C1QTNF3: variants seen among roughly 807,000 people sequenced by gnomAD.
The protein encoded by C1QTNF3 is complement C1q tumor necrosis factor-related protein 3.
C1QTNF3 carries 26 observed loss-of-function variants against 32.6 expected under a neutral mutation model. That is an observed-to-expected ratio of 0.80 (90% CI 0.58 to 1.11). The LOEUF (loss-of-function observed/expected upper bound fraction) is 1.11. Ranked by LOEUF, C1QTNF3 falls within the 50% of genes least tolerant of loss-of-function variation. The pLI, the probability that C1QTNF3 is intolerant of heterozygous loss-of-function variation, is 0.00. For missense variants in C1QTNF3, 362 were observed against 398.2 expected, an observed-to-expected ratio of 0.91 and a Z score of 0.77; for synonymous variants, 155 against 146.0, an observed-to-expected ratio of 1.06 and a Z score of -0.44.
At chr5:34,120,683 G>A in the C1QTNF3 span, among the ~76,000 whole-genome samples, 1 of 152,102 alleles carries the variant, frequency 6.6e-6, no homozygotes, top group Non-Finnish European at 1.5e-5. Flanking sequence ...AGGTGTTTCC[G>A]TGAACAAGTT....
intron 3 of C1QTNF3, among the ~76,000 whole-genome samples, chr5:34,029,609 G>A (rs1184889307): frequency 1.3e-5 from 2 of 152,216 alleles, no homozygotes; most frequent in African/African-American, 4.8e-5. Context: ...AACTGTGTCT[G>A]TGTGGATGGA....
At chr5:34,230,237 A>T in the C1QTNF3 span, among the ~76,000 whole-genome samples, 1 of 152,214 alleles carries the variant, frequency 6.6e-6, no homozygotes, top group African/African-American at 2.4e-5. Flanking sequence ...GTCATGGATT[A>T]TTCCACAGAG....
intron 4 of C1QTNF3, among the ~76,000 whole-genome samples, chr5:34,027,150 G>A (rs1201917971): frequency 1.3e-5 from 2 of 152,140 alleles, no homozygotes; most frequent in African/African-American, 4.8e-5. Flanking sequence ...TCTCCTATAA[G>A]TCTAAAATTA....
At chr5:34,133,138 C>T in the C1QTNF3 span, among the ~76,000 whole-genome samples, 1 of 152,214 alleles carries the variant, frequency 6.6e-6, no homozygotes, top group East Asian at 1.9e-4. Context: ...AACCTCTCCC[C>T]TTCTTCTCTC....
the C1QTNF3 span, among the ~76,000 whole-genome samples, chr5:34,189,039 A>G: frequency 6.7e-6 from 1 of 148,394 alleles, no homozygotes; most frequent in Non-Finnish European, 1.5e-5. Context: ...GTTCCCCTGC[A>G]CATGCTCTCT....
At chr5:34,022,523 A>C (rs1754356166) in intron 5 of C1QTNF3, among the ~76,000 whole-genome samples, 1 of 152,232 alleles carries the variant, frequency 6.6e-6, no homozygotes, top group Non-Finnish European at 1.5e-5. Context: ...TTTGTGCTTC[A>C]CAGGCTGTCT....
the C1QTNF3 span, among the ~76,000 whole-genome samples, chr5:34,084,741 T>C: frequency 6.8e-6 from 1 of 146,958 alleles, no homozygotes; most frequent in East Asian, 1.9e-4. Context: ...GTCAGATGGA[T>C]AGATTGCAAA....
intron 1 of C1QTNF3, among the ~76,000 whole-genome samples, chr5:34,037,967 G>A (rs1186299645): frequency 6.6e-6 from 1 of 152,170 alleles, no homozygotes; most frequent in Non-Finnish European, 1.5e-5. Context: ...GGAGAAGGGA[G>A]GGGAAGGAGG....
At chr5:34,034,053 G>A (rs1031765620) in intron 2 of C1QTNF3, among the ~76,000 whole-genome samples, 1 of 152,156 alleles carries the variant, frequency 6.6e-6, no homozygotes, top group Non-Finnish European at 1.5e-5. Context: ...TGTAGTCCCA[G>A]CTATTTGGGA....
At chr5:34,044,819 C>T (rs1754960321), upstream of C1QTNF3, among the ~76,000 whole-genome samples, 1 of 152,190 alleles carries the variant, frequency 6.6e-6, no homozygotes, top group Non-Finnish European at 1.5e-5. Flanking sequence ...CCTTGAGCAT[C>T]TAAACCTTCC....
At chr5:34,244,551 C>G in the C1QTNF3 span, 2 of 152,100 alleles carry the variant, frequency 1.3e-5, no homozygotes, top group Non-Finnish European at 2.9e-5. Context: ...TAGCTAGACA[C>G]AAAAGTTCTC....
chr5:34,065,751 T>C, the C1QTNF3 span, among the ~76,000 whole-genome samples: 1 of 151,974 alleles, frequency 6.6e-6, no homozygotes, highest in African/African-American at 2.4e-5. Context: ...GGAATGCAAA[T>C]AGTTCACACA....
chr5:34,143,694 C>G, the C1QTNF3 span, among the ~76,000 whole-genome samples: 9 of 152,128 alleles, frequency 5.9e-5, no homozygotes, highest in African/African-American at 1.9e-4. Flanking sequence ...TAAACTTCAT[C>G]AATGAAGAAA....
intron 3 of C1QTNF3, among the ~76,000 whole-genome samples, chr5:34,031,879 C>T (rs1200421829): frequency 6.6e-6 from 1 of 152,148 alleles, no homozygotes; most frequent in Non-Finnish European, 1.5e-5. Flanking sequence ...GAGAGTAACA[C>T]ACTAACTATT....
At chr5:34,213,694 G>A in the C1QTNF3 span, among the ~76,000 whole-genome samples, 55 of 135,860 alleles carry the variant, frequency 4.0e-4, no homozygotes, top group African/African-American at 1.2e-3. Flanking sequence ...TTGTGTGTGT[G>A]TATATATATA....
chr5:34,080,186 C>T, the C1QTNF3 span, among the ~76,000 whole-genome samples: 569 of 151,698 alleles, frequency 3.8e-3, 28 homozygotes, highest in African/African-American at 0.013. Context: ...ATTTTGAATG[C>T]TATGTAATTT....
the C1QTNF3 span, chr5:34,164,749 T>C: frequency 6.6e-6 from 1 of 152,124 alleles, no homozygotes; most frequent in South Asian, 2.1e-4. Context: ...AATTATTATA[T>C]ACATTCATTC....
the C1QTNF3 span, among the ~76,000 whole-genome samples, chr5:34,214,746 T>C: frequency 6.6e-6 from 1 of 152,156 alleles, no homozygotes; most frequent in Non-Finnish European, 1.5e-5. Context: ...CTCAGATGCA[T>C]CTCTAACGTA....
intron 1 of C1QTNF3, among the ~76,000 whole-genome samples, chr5:34,036,223 GAGTTA>G (rs33996250): frequency 0.015 from 2,277 of 152,252 alleles, 66 homozygotes; most frequent in African/African-American, 0.052. Flanking sequence ...CCATGATACT[GAGTTA>G]AGAGCTAGAT....
Sources: allele counts gnomAD v4.1 joint callset (sites outside exome capture counted in the v4.1 genomes callset), GRCh38; gene constraint gnomAD v4.1.1; transcripts MANE v1.5; gene names NCBI Gene and HGNC (gene_info 2026-07-23, HGNC 2026-07-21).